Variants in ADGRL3 observed in about 807,000 individuals in gnomAD.
ADGRL3 encodes the protein calcium-independent alpha-latrotoxin receptor 3.
In ADGRL3, 62 loss-of-function variants were observed where a neutral mutation model predicts 153.5. That is an observed-to-expected ratio of 0.40 (90% CI 0.33 to 0.50). The LOEUF (loss-of-function observed/expected upper bound fraction) is 0.50, where lower values mean the gene tolerates loss of function less well. Among genes scored for constraint, ADGRL3 ranks in the 20% least tolerant of loss-of-function variants. The probability of loss-of-function intolerance (pLI) is 0.47; values close to 1 mark genes in which losing one functional copy is unlikely to be tolerated. For synonymous variants in ADGRL3, 710 were observed against 672.5 expected, an observed-to-expected ratio of 1.06 and a Z score of -0.86; for missense variants, 1,641 against 1,859.4, an observed-to-expected ratio of 0.88 and a Z score of 2.16.
intron 5 of ADGRL3, among the ~76,000 whole-genome samples, chr4:61,652,450 T>G (rs1302050140): frequency 6.6e-6 from 1 of 152,194 alleles, no homozygotes; most frequent in Non-Finnish European, 1.5e-5. Context: ...CTAAGCCTGT[T>G]TCAACACACT....
chr4:62,039,978 C>A (rs997821377), intron 24 of ADGRL3, among the ~76,000 whole-genome samples: 5 of 152,200 alleles, frequency 3.3e-5, no homozygotes, highest in African/African-American at 1.2e-4. Context: ...AGCAATACTT[C>A]TAAACTACAA....
chr4:61,546,519 G>A (rs764988256), intron 4 of ADGRL3, among the ~76,000 whole-genome samples: 5 of 151,794 alleles, frequency 3.3e-5, no homozygotes, highest in Non-Finnish European at 5.9e-5. Context: ...TATTCTCATT[G>A]CTCTTGGTGT....
At chr4:62,054,157 T>C (rs1735759328) in intron 25 of ADGRL3, among the ~76,000 whole-genome samples, 1 of 151,702 alleles carries the variant, frequency 6.6e-6, no homozygotes, top group African/African-American at 2.4e-5. Flanking sequence ...GGTTTACTGC[T>C]ATTTTGCCTG....
intron 9 of ADGRL3, among the ~76,000 whole-genome samples, chr4:61,881,474 G>C (rs2098508082): frequency 6.6e-6 from 1 of 152,144 alleles, no homozygotes; most frequent in South Asian, 2.1e-4. Flanking sequence ...CGCCTCCCAG[G>C]CTCAAGCAAT....
intron 7 of ADGRL3, among the ~76,000 whole-genome samples, chr4:61,732,041 G>A (rs2096451871): frequency 6.6e-6 from 1 of 152,066 alleles, no homozygotes; most frequent in Non-Finnish European, 1.5e-5. Flanking sequence ...TATTTAACAG[G>A]ACATTTTTAA....
chr4:61,730,692 G>T (rs907893491), intron 7 of ADGRL3, 56 bp downstream of exon 7: 3 of 422,384 alleles, frequency 7.1e-6, no homozygotes, highest in East Asian at 4.0e-5. Flanking sequence ...TTATTTAACA[G>T]TTTAACATTT....
intron 1 of ADGRL3, among the ~76,000 whole-genome samples, chr4:61,285,182 G>T (rs1403232190): frequency 6.6e-6 from 1 of 151,822 alleles, no homozygotes; most frequent in African/African-American, 2.4e-5. Context: ...TCGTATCACT[G>T]GGTGCTAATT....
At chr4:61,468,403 T>C (rs2152665323) in intron 2 of ADGRL3, among the ~76,000 whole-genome samples, 1 of 152,286 alleles carries the variant, frequency 6.6e-6, no homozygotes, top group South Asian at 2.1e-4. Flanking sequence ...AGGATCTCTT[T>C]TTTCCAACAG....
intron 1 of ADGRL3, among the ~76,000 whole-genome samples, chr4:61,238,444 T>G (rs961160870): frequency 2.7e-5 from 2 of 74,124 alleles, no homozygotes; most frequent in African/African-American, 4.5e-5. Flanking sequence ...TAATGTGTGG[T>G]GTGTGTGTGT....
At chr4:61,538,884 T>G (rs1560805751) in intron 4 of ADGRL3, among the ~76,000 whole-genome samples, 2 of 152,120 alleles carry the variant, frequency 1.3e-5, no homozygotes, top group East Asian at 3.9e-4. Flanking sequence ...TGCATTGAAG[T>G]CTCAGGAGCA....
chr4:62,024,213 A>G (rs1362481913), intron 21 of ADGRL3, among the ~76,000 whole-genome samples: 2 of 152,074 alleles, frequency 1.3e-5, no homozygotes, highest in Non-Finnish European at 2.9e-5. Flanking sequence ...AGTTTTTCCT[A>G]ATTTCAGACT....
intron 16 of ADGRL3, among the ~76,000 whole-genome samples, chr4:61,947,878 A>C (rs1488835064): frequency 6.6e-6 from 1 of 152,172 alleles, no homozygotes; most frequent in Admixed American, 6.6e-5. Context: ...TTTTAGTGTT[A>C]ATTTAAAAAA....
At chr4:62,036,709 GA>G (rs201778261) in intron 23 of ADGRL3, among the ~76,000 whole-genome samples, 1 of 151,898 alleles carries the variant, frequency 6.6e-6, no homozygotes, top group East Asian at 1.9e-4. Context: ...TAAGTTGTGG[GA>G]AAAAATGCAC....
chr4:61,348,849 A>G (rs2095981491), intron 1 of ADGRL3, among the ~76,000 whole-genome samples: 2 of 151,982 alleles, frequency 1.3e-5, no homozygotes, highest in South Asian at 2.1e-4. Flanking sequence ...TTTTACTGCA[A>G]TAGTTAGCTA....
chr4:61,362,592 G>T (rs2096304471), intron 1 of ADGRL3, among the ~76,000 whole-genome samples: 1 of 152,072 alleles, frequency 6.6e-6, no homozygotes, highest in Non-Finnish European at 1.5e-5. Context: ...CTGAAGAAAA[G>T]AAAGTGTTAT....
chr4:61,999,038 A>G (rs1310878007), intron 21 of ADGRL3, among the ~76,000 whole-genome samples: 4 of 152,216 alleles, frequency 2.6e-5, no homozygotes, highest in African/African-American at 7.2e-5. Context: ...GGGCATTTAT[A>G]TAGGAGCTGT....
At chr4:61,502,343 C>T (rs777007825) in intron 3 of ADGRL3, among the ~76,000 whole-genome samples, 21 of 152,074 alleles carry the variant, frequency 1.4e-4, no homozygotes, top group Non-Finnish European at 2.4e-4. Flanking sequence ...CTTGTAAAAA[C>T]TGAATCATAG....
At chr4:62,044,772 A>C (rs576330017) in intron 25 of ADGRL3, among the ~76,000 whole-genome samples, 1 of 152,174 alleles carries the variant, frequency 6.6e-6, no homozygotes, top group African/African-American at 2.4e-5. Context: ...TTAGAAAATA[A>C]AAAACTTTTT....
At chr4:61,587,192 G>A (rs370427257) in intron 4 of ADGRL3, 35 bp from the exon 5 acceptor site, 20 of 1,454,330 alleles carry the variant, frequency 1.4e-5, no homozygotes, top group East Asian at 1.2e-4. Flanking sequence ...ATGTAGTAAC[G>A]ATGGCATCTC....
Sources: gnomAD v4.1 joint callset for allele counts (sites outside exome capture counted in the v4.1 genomes callset) on GRCh38, gnomAD v4.1.1 for gene constraint, MANE v1.5 for transcripts, NCBI Gene and HGNC (gene_info 2026-07-23, HGNC 2026-07-21) for gene names.